The following CDKN3 variants were observed in gnomAD, a reference collection of about 807,000 sequenced individuals.
CDKN3 encodes the protein cyclin dependent kinase inhibitor 3, also known as cyclin-dependent kinase inhibitor 3.
CDKN3 carries 19 observed loss-of-function variants against 36.1 expected under a neutral mutation model. The observed-to-expected ratio is 0.53, with a 90% CI of 0.37 to 0.77. The LOEUF (loss-of-function observed/expected upper bound fraction) is 0.77. CDKN3 is among the 30% of genes least tolerant of loss of function. The pLI is 0.00. For synonymous variants in CDKN3, 71 were observed against 85.3 expected (o/e 0.83, Z 0.92); for missense variants, 188 against 248.6 (o/e 0.76, Z 1.64).
chr14:54,402,415 ATTTG>A (rs2029990705), intron 3 of CDKN3, among the ~76,000 whole-genome samples: 1 of 151,446 alleles, frequency 6.6e-6, no homozygotes, highest in Non-Finnish European at 1.5e-5. Flanking sequence ...TTTCTTGTAA[ATTTG>A]TTTAAGTTCC....
intron 1 of CDKN3, among the ~76,000 whole-genome samples, chr14:54,397,690 T>C (rs148029942): frequency 6.6e-6 from 1 of 152,350 alleles, no homozygotes; most frequent in Non-Finnish European, 1.5e-5. Context: ...TCATCAAAGT[T>C]GCTTTAAAGA....
intron 4 of CDKN3, among the ~76,000 whole-genome samples, chr14:54,410,478 C>G (rs1304857279): frequency 6.6e-6 from 1 of 152,122 alleles, no homozygotes; most frequent in African/African-American, 2.4e-5. Context: ...ACCAAATGCT[C>G]AATAGTTAAT....
intron 7 of CDKN3, chr14:54,418,340 AT>A: frequency 1.5e-6 from 1 of 686,784 alleles, no homozygotes; most frequent in African/African-American, 1.8e-5. Flanking sequence ...GCCAAAAAAA[AT>A]CTATGGAAGA....
chr14:54,412,846 G>T lies in CDKN3; in HGVS notation c.416+1140G>T, dbSNP rs759769378. 4 of 515,636 alleles carry T rather than the reference G, an allele frequency of 7.8e-6. No homozygotes were observed. In the Middle Eastern group the frequency reaches 1.3e-3, roughly 164 times the overall value. 31.9% of individuals were successfully genotyped at this position (515,636 alleles called of 1,614,324 possible). ...TTAATCCTTTCTCGAATAAGGTAGG[G>T]TATTAAATAGTTTACGACCTCAAAA... On this transcript the variant is annotated intron_variant, in intron 5 of 7. Transcript: ENST00000335183.
intron 3 of CDKN3, among the ~76,000 whole-genome samples, chr14:54,402,385 T>G (rs954929644): frequency 4.6e-5 from 7 of 151,960 alleles, no homozygotes; most frequent in African/African-American, 1.7e-4. Flanking sequence ...ACCCCACTTT[T>G]TGATGGGGAT....
Position 54,398,385 on chromosome 14 carries a change from C to A in CDKN3, c.9+1308C>A, listed in dbSNP as rs4251601. ...CTGAACACCAGTATCTCAACTTTTTCTTTCCTTCTTTCTTGGGATCTACCT... is the reference window on the plus strand; with the variant it reads ...CTGAACACCAGTATCTCAACTTTTTATTTCCTTCTTTCTTGGGATCTACCT... On this transcript the variant is annotated intron_variant, in intron 1 of 7. Coordinates refer to ENST00000335183, the MANE Select transcript of CDKN3 (RefSeq NM_005192.4). Among the ~76,000 whole-genome samples, 363 of 152,194 alleles carry A rather than the reference C, an allele frequency of 2.4e-3. 1 individual carries two copies. Among genetic ancestry groups the A allele is most frequent in the African/African-American group, 8.3e-3 (346 of 41,538 alleles).
At chr14:54,413,355 CTTT>C (rs59686136) in intron 5 of CDKN3, among the ~76,000 whole-genome samples, 1 of 141,620 alleles carries the variant, frequency 7.1e-6, no homozygotes, top group South Asian at 2.2e-4. Flanking sequence ...ATTTTGAGAT[CTTT>C]TTTTTTTTTT....
chr14:54,414,692 T>G (rs1423956381), intron 5 of CDKN3, among the ~76,000 whole-genome samples: 1 of 146,560 alleles, frequency 6.8e-6, no homozygotes, highest in Admixed American at 6.9e-5. Flanking sequence ...ACTTCAGGTG[T>G]GCGCCACCGT....
chr14:54,397,120 G>T, intron 1 of CDKN3, 43 bp downstream of exon 1: 1 of 1,462,816 alleles, frequency 6.8e-7, no homozygotes, highest in Non-Finnish European at 9.1e-7. Context: ...AGGCGGCAGG[G>T]ACGCAAGCGG....
At chr14:54,409,702 G>A (rs778829257) in intron 4 of CDKN3, among the ~76,000 whole-genome samples, 29 of 151,952 alleles carry the variant, frequency 1.9e-4, no homozygotes, top group South Asian at 1.0e-3. Context: ...GCATGATGGC[G>A]CGTGCTTGTA....
chr14:54,406,896 G>A (rs560557461), intron 3 of CDKN3, among the ~76,000 whole-genome samples: 129 of 152,226 alleles, frequency 8.5e-4, no homozygotes, highest in South Asian at 5.2e-3. Context: ...GCGAGGAGTT[G>A]TGATCCTTTG....
intron 4 of CDKN3, 95 bp downstream of exon 4, chr14:54,408,884 A>T: frequency 7.0e-7 from 1 of 1,431,680 alleles, no homozygotes; most frequent in Non-Finnish European, 9.2e-7. Flanking sequence ...TTTTTTTTTA[A>T]TATAAAAATA....
At chr14:54,414,567 A>T (rs1316101369) in intron 5 of CDKN3, among the ~76,000 whole-genome samples, 1 of 150,258 alleles carries the variant, frequency 6.7e-6, no homozygotes, top group Non-Finnish European at 1.5e-5. Flanking sequence ...TTAATAAGGC[A>T]GTTGTCTCTT....
intron 4 of CDKN3, 98 bp downstream of exon 4, chr14:54,408,887 T>C: frequency 7.0e-7 from 1 of 1,424,590 alleles, no homozygotes; most frequent in Non-Finnish European, 9.2e-7. Context: ...TTTTTTAATA[T>C]AAAAATAAGT....
chr14:54,402,728 A>G (rs958764535), intron 3 of CDKN3, among the ~76,000 whole-genome samples: 34 of 152,310 alleles, frequency 2.2e-4, no homozygotes, highest in Middle Eastern at 3.4e-3. Flanking sequence ...ATTTGTGTGT[A>G]AGGTGTAAGG....
At chr14:54,414,716 T>A (rs1021209777) in intron 5 of CDKN3, among the ~76,000 whole-genome samples, 1 of 149,254 alleles carries the variant, frequency 6.7e-6, no homozygotes, top group East Asian at 1.9e-4. Flanking sequence ...AGGCTTTTTT[T>A]TTTTTTTTTT....
chr14:54,408,824 T>G (rs778401599), intron 4 of CDKN3, 35 bp downstream of exon 4: 135 of 1,519,184 alleles, frequency 8.9e-5, no homozygotes, highest in Non-Finnish European at 1.1e-4. Context: ...ACTCATGGGT[T>G]TTTTAAATGA....
At chr14:54,404,579 C>CT (rs947947844) in intron 3 of CDKN3, among the ~76,000 whole-genome samples, 9 of 148,828 alleles carry the variant, frequency 6.0e-5, no homozygotes, top group South Asian at 2.1e-4. Flanking sequence ...TTAGTTAGTT[C>CT]TTTTTTTTTT....
intron 4 of CDKN3, among the ~76,000 whole-genome samples, chr14:54,409,608 T>C (rs1185592811): frequency 6.6e-6 from 1 of 152,010 alleles, no homozygotes; most frequent in Non-Finnish European, 1.5e-5. Flanking sequence ...CGAGGCGGGT[T>C]GATCGCTTGA....
Sources: allele counts gnomAD v4.1 joint callset (sites outside exome capture counted in the v4.1 genomes callset), GRCh38; gene constraint gnomAD v4.1.1; transcripts MANE v1.5; gene names NCBI Gene and HGNC (gene_info 2026-07-23, HGNC 2026-07-21).